Variants in KIAA1217 observed in about 807,000 individuals in gnomAD.
KIAA1217 encodes sickle tail protein homolog.
KIAA1217 carries 88 observed loss-of-function variants against 163.9 expected under a neutral mutation model. That is an observed-to-expected ratio of 0.54 (90% CI 0.45 to 0.64). The LOEUF is 0.64. Ranked by LOEUF, KIAA1217 falls within the 30% of genes least tolerant of loss-of-function variation. The pLI, the probability that KIAA1217 is intolerant of heterozygous loss-of-function variation, is 0.00. For synonymous variants in KIAA1217, 903 were observed against 923.1 expected (o/e 0.98, Z 0.39); for missense variants, 2,372 against 2,475.0 (o/e 0.96, Z 0.88).
chr10:24,187,166 A>T lies in KIAA1217; in HGVS notation c.-170-32460A>T, dbSNP rs533943748. Reference sequence around the variant, plus strand: ...TAATTGCAGAAAACCCTGATTATAGACCCCATCTTTGACTCAATTTTTCCT... The same window carrying T: ...TAATTGCAGAAAACCCTGATTATAGTCCCCATCTTTGACTCAATTTTTCCT... On this transcript the variant is annotated intron_variant, in intron 2 of 18. Coordinates refer to the KIAA1217 transcript ENST00000376462. 2.0e-5 allele frequency among the ~76,000 whole-genome samples: 3 copies of T among 151,946 alleles called. No homozygotes were observed. In the South Asian group the frequency reaches 6.3e-4, roughly 32 times the overall value.
chr10:24,478,000 C>A (rs1040924461), intron 6 of KIAA1217, among the ~76,000 whole-genome samples: 2 of 152,098 alleles, frequency 1.3e-5, no homozygotes, highest in African/African-American at 4.8e-5. Context: ...TATTAAAAAG[C>A]AAATAAATAT....
chr10:24,073,534 C>T (rs2061263414), intron 2 of KIAA1217, among the ~76,000 whole-genome samples: 1 of 152,120 alleles, frequency 6.6e-6, no homozygotes, highest in South Asian at 2.1e-4. Flanking sequence ...ATAAAATCAT[C>T]CAGAAAACAT....
chr10:24,260,744 T>TA (rs1018214665), intron 2 of KIAA1217, among the ~76,000 whole-genome samples: 38 of 148,374 alleles, frequency 2.6e-4, no homozygotes, highest in Middle Eastern at 7.0e-3. Flanking sequence ...GATCATCTCT[T>TA]AAAAAAAAAA....
At chr10:24,450,425 G>A (rs933459485) in intron 5 of KIAA1217, among the ~76,000 whole-genome samples, 5 of 152,144 alleles carry the variant, frequency 3.3e-5, no homozygotes, top group African/African-American at 9.6e-5. Flanking sequence ...GCCTGAAAAA[G>A]TCTTTGACAG....
At chr10:24,304,169 C>A (rs2041721555) in intron 2 of KIAA1217, among the ~76,000 whole-genome samples, 1 of 139,634 alleles carries the variant, frequency 7.2e-6, no homozygotes, top group East Asian at 2.2e-4. Context: ...TTCAGTTTGT[C>A]ATTGCTTCAT....
At chr10:23,747,131 C>G (rs1353864125) in intron 1 of KIAA1217, among the ~76,000 whole-genome samples, 1 of 152,148 alleles carries the variant, frequency 6.6e-6, no homozygotes, top group African/African-American at 2.4e-5. Flanking sequence ...ATGCATGGCA[C>G]TCATCTCAGA....
intron 8 of KIAA1217, among the ~76,000 whole-genome samples, chr10:24,497,440 A>G (rs1437187822): frequency 6.6e-6 from 1 of 152,148 alleles, no homozygotes; most frequent in Non-Finnish European, 1.5e-5. Context: ...AGCTATTAAG[A>G]GTGACAGCCA....
intron 2 of KIAA1217, among the ~76,000 whole-genome samples, chr10:24,266,974 A>G (rs2076297871): frequency 6.6e-6 from 1 of 152,198 alleles, no homozygotes; most frequent in South Asian, 2.1e-4. Flanking sequence ...GAAGTCAGCG[A>G]GACCACGAAC....
chr10:24,030,248 G>A lies in KIAA1217; in HGVS notation c.-171+22874G>A, dbSNP rs535090037. On this transcript the variant is annotated intron_variant, in intron 2 of 18. Transcript: ENST00000376462. Reference sequence around the variant, plus strand: ...TGATATAGTTTCGCTCTGTGTCCTCGCCCAAATCTCATCTCAAATTTTAAT... The same window carrying A: ...TGATATAGTTTCGCTCTGTGTCCTCACCCAAATCTCATCTCAAATTTTAAT... 4.7e-4 allele frequency among the ~76,000 whole-genome samples: 71 copies of A among 152,010 alleles called. No homozygotes were observed. In the South Asian group the frequency reaches 0.012, roughly 26 times the overall value.
At chr10:24,500,389 A>AGTGTGT (rs759237855) in intron 8 of KIAA1217, among the ~76,000 whole-genome samples, 9 of 68,780 alleles carry the variant, frequency 1.3e-4, no homozygotes, top group Non-Finnish European at 2.1e-4. Context: ...ACTCCAGAAG[A>AGTGTGT]GTGTGTGCGT....
chr10:23,918,731 TATACAC>T (rs1320993062), intron 1 of KIAA1217, among the ~76,000 whole-genome samples: 1 of 137,828 alleles, frequency 7.3e-6, no homozygotes, highest in African/African-American at 3.3e-5. Flanking sequence ...GAATTAAATA[TATACAC>T]ACACACACAC....
intron 2 of KIAA1217, among the ~76,000 whole-genome samples, chr10:24,186,534 T>G (rs2131965655): frequency 6.6e-6 from 1 of 152,320 alleles, no homozygotes; most frequent in South Asian, 2.1e-4. Context: ...TTCCAATTAC[T>G]TGGTTTTCTC....
In KIAA1217 at chr10:24,466,870, G is replaced by A. The variant is rs931419392; in HGVS notation, c.847-6358G>A. ...TTTTCTCTGCTTACTTCATTGTGTG[G>A]TCTGATTGAGTGGTATGTTTACAAA... On this transcript the variant is annotated intron_variant, in intron 5 of 20. Coordinates refer to ENST00000376454, the MANE Select transcript of KIAA1217 (RefSeq NM_019590.5). 8.8e-6 allele frequency: 7 copies of A among 796,678 alleles called. No individual in the cohort carries two copies. The African/African-American group carries it at 1.1e-4, about 13-fold the overall frequency. 49.4% of individuals were successfully genotyped at this position (796,678 alleles called of 1,614,324 possible). A position where few individuals can be genotyped will look rare whatever the true frequency, so the allele number is the denominator to read the frequency against.
intron 1 of KIAA1217, among the ~76,000 whole-genome samples, chr10:23,765,187 C>CTCTTT (rs1834448899): frequency 1.3e-5 from 1 of 75,358 alleles, no homozygotes; most frequent in African/African-American, 5.8e-5. Flanking sequence ...TTTTTGTTCT[C>CTCTTT]TTTTTTTTTT....
intron 16 of KIAA1217, 108 bp from the exon 17 acceptor site, chr10:24,536,666 G>C: frequency 1.7e-6 from 2 of 1,163,984 alleles, no homozygotes; most frequent in Non-Finnish European, 2.5e-6. Flanking sequence ...AAACCTGCGT[G>C]CAGGACCCGG....
chr10:24,422,997 T>C (rs2058869308), intron 3 of KIAA1217, among the ~76,000 whole-genome samples: 1 of 149,290 alleles, frequency 6.7e-6, no homozygotes. Flanking sequence ...TTCTGCCTCC[T>C]GGGCTCACAC....
At chr10:24,141,232 C>CCG (rs962742652) in intron 2 of KIAA1217, among the ~76,000 whole-genome samples, 3 of 124,068 alleles carry the variant, frequency 2.4e-5, no homozygotes, top group Non-Finnish European at 5.0e-5. Flanking sequence ...TAAACCCCCC[C>CCG]CCCCCATTTC....
At chr10:24,258,742 G>A (rs563106087) in intron 2 of KIAA1217, among the ~76,000 whole-genome samples, 15 of 152,148 alleles carry the variant, frequency 9.9e-5, no homozygotes, top group Admixed American at 1.3e-4. Context: ...ACAGGCGCCC[G>A]CCACCAAGCC....
chr10:23,757,539 A>G (rs1833984467), intron 1 of KIAA1217, among the ~76,000 whole-genome samples: 3 of 151,872 alleles, frequency 2.0e-5, no homozygotes, highest in Admixed American at 2.0e-4. Flanking sequence ...TTTTTTTGAG[A>G]TGGAGTCTCA....
Sources: gnomAD v4.1 joint callset for allele counts (sites outside exome capture counted in the v4.1 genomes callset) on GRCh38, gnomAD v4.1.1 for gene constraint, MANE v1.5 for transcripts, NCBI Gene and HGNC (gene_info 2026-07-23, HGNC 2026-07-21) for gene names.